Variants in PIEZO2 observed in about 807,000 individuals in gnomAD.
PIEZO2 encodes piezo-type mechanosensitive ion channel component 2.
Under a neutral mutation model 337.3 loss-of-function variants are expected in PIEZO2, and 172 were observed. That is an observed-to-expected ratio of 0.51 (90% CI 0.45 to 0.58). The LOEUF (loss-of-function observed/expected upper bound fraction) is 0.58, where lower values mean the gene tolerates loss of function less well. PIEZO2 is among the 20% of genes least tolerant of loss of function. The pLI is 0.00. For missense variants in PIEZO2, 3,028 were observed against 3,391.3 expected (o/e 0.89, Z 2.66); for synonymous variants, 1,251 against 1,228.5 (o/e 1.02, Z -0.38).
intron 7 of PIEZO2, among the ~76,000 whole-genome samples, chr18:10,825,550 C>CCTTTTTTTTTTTT (rs2040645562): frequency 8.8e-6 from 1 of 113,862 alleles, no homozygotes; most frequent in Non-Finnish European, 1.7e-5. Flanking sequence ...TCCTTTCTTC[C>CCTTTTTTTTTTTT]TTTTTTTTTT....
In PIEZO2 at chr18:11,109,159, A is replaced by AAACC. The variant is rs1378575143; in HGVS notation, c.64+39362_64+39365dup. Among the ~76,000 whole-genome samples, 3 of 152,176 alleles carry AAACC rather than the reference A, an allele frequency of 2.0e-5. No homozygotes were observed. Among genetic ancestry groups the AAACC allele is most frequent in the Non-Finnish European group, 4.4e-5 (3 of 68,036 alleles). The stretch of plus-strand genomic sequence containing the variant: ...TGAGTAAACAGTCTGCACAGCTTAC[A>AAACC]AACCACACATCTTGACAACTCCACC... On this transcript the variant is annotated intron_variant, in intron 1 of 55. Coordinates refer to ENST00000674853, the MANE Select transcript of PIEZO2 (RefSeq NM_001378183.1). The surrounding 1 kb of genome is among the most constrained non-coding windows in gnomAD (Gnocchi z 5.1).
intron 7 of PIEZO2, among the ~76,000 whole-genome samples, chr18:10,831,758 T>C (rs2040848511): frequency 6.6e-6 from 1 of 152,198 alleles, no homozygotes; most frequent in African/African-American, 2.4e-5. Flanking sequence ...AAATATCTCA[T>C]GTACCCCATA....
rs185113281 is a variant in PIEZO2 at position 10,962,049 on chromosome 18, T to C, written c.286+17486A>G. Among the ~76,000 whole-genome samples the C allele has an allele frequency of 2.7e-3, 407 of 152,186 alleles. 2 individuals carry two copies. The highest frequency in any genetic ancestry group is 9.5e-3 in the African/African-American group (395 of 41,440). On this transcript the variant is annotated intron_variant, in intron 3 of 55. Transcript: ENST00000674853. This position sits in a 1 kb window ranked among gnomAD's most constrained non-coding sequence, Gnocchi z 4.1. ...GTAAAGCCATCCAGAAATGCACCAC[T>C]GATTCTCGCAACGTTCAGTTTTTTT...
intron 1 of PIEZO2, among the ~76,000 whole-genome samples, chr18:11,091,320 G>T (rs1001162735): frequency 6.7e-6 from 1 of 149,126 alleles, no homozygotes. Flanking sequence ...GGAGGCGGAG[G>T]TTGCAGTGAG....
Position 10,783,756 on chromosome 18 carries a change from A to G in PIEZO2, c.2492+1028T>C, listed in dbSNP as rs1247711728. ...GTATCAGAATGATAGGCGAAACACA[A>G]CACAATAAGAAAAGTGAATCTGCTG... On this transcript the variant is annotated intron_variant, in intron 17 of 55. Transcript: ENST00000674853. The surrounding 1 kb of genome is among the most constrained non-coding windows in gnomAD (Gnocchi z 4.3). Among the ~76,000 whole-genome samples the G allele has an allele frequency of 6.6e-6, 1 of 152,224 alleles. No individual in the cohort carries two copies. The highest frequency in any genetic ancestry group is 1.5e-5 in the Non-Finnish European group (1 of 68,042).
At chr18:10,926,400 A>G (rs2031742642) in intron 3 of PIEZO2, among the ~76,000 whole-genome samples, 1 of 152,182 alleles carries the variant, frequency 6.6e-6, no homozygotes, top group Non-Finnish European at 1.5e-5. Flanking sequence ...GCAGTGCACT[A>G]GTGGGTGGAA....
chr18:11,073,984 C>T (rs1264975723), intron 1 of PIEZO2, among the ~76,000 whole-genome samples: 2 of 151,628 alleles, frequency 1.3e-5, no homozygotes, highest in East Asian at 3.9e-4. Flanking sequence ...GTAGCTGGGA[C>T]AACAGGCGCA....
At position 11,104,169 on chromosome 18, in the gene PIEZO2, G is replaced by A. The variant is rs1168545638; in HGVS notation, c.65-37947C>T. On this transcript the variant is annotated intron_variant, in intron 1 of 55. Transcript: ENST00000674853. The surrounding 1 kb of genome is among the most constrained non-coding windows in gnomAD (Gnocchi z 4.6). ...TATGTCTAGTACCAAAGTATGAGAC[G>A]GACCCTGCAAATGCATAATGCACCA... is the stretch of plus-strand genomic sequence containing the variant. 2.0e-5 allele frequency among the ~76,000 whole-genome samples: 3 copies of A among 152,096 alleles called. No individual in the cohort carries two copies. The highest frequency in any genetic ancestry group is 2.9e-5 in the Non-Finnish European group (2 of 68,022).
At chr18:10,684,222 G>A (rs1200768909) in intron 49 of PIEZO2, among the ~76,000 whole-genome samples, 32 of 130,272 alleles carry the variant, frequency 2.5e-4, no homozygotes, top group African/African-American at 9.5e-4. Context: ...CTGGAGTGCA[G>A]TGGCGCGATC....
chr18:10,768,177 C>A (rs1009051435), intron 21 of PIEZO2, among the ~76,000 whole-genome samples: 1 of 152,008 alleles, frequency 6.6e-6, no homozygotes, highest in Non-Finnish European at 1.5e-5. Context: ...GGGAGGGACC[C>A]GAGTCTCGAT....
At chr18:10,849,201 G>A (rs2041460359) in intron 7 of PIEZO2, among the ~76,000 whole-genome samples, 1 of 152,082 alleles carries the variant, frequency 6.6e-6, no homozygotes, top group South Asian at 2.1e-4. Context: ...CAGTGGAGAC[G>A]GGGTTTTGCC....
chr18:10,762,234 G>A (rs528426352), intron 23 of PIEZO2, among the ~76,000 whole-genome samples: 14 of 152,260 alleles, frequency 9.2e-5, no homozygotes, highest in African/African-American at 3.4e-4. Context: ...CCTTAATCTT[G>A]TAATGGTCTT....
chr18:10,816,542 T>C (rs1004480755), intron 7 of PIEZO2, among the ~76,000 whole-genome samples: 1 of 152,200 alleles, frequency 6.6e-6, no homozygotes, highest in African/African-American at 2.4e-5. Flanking sequence ...TCAAAGACTT[T>C]TATAAACAAA....
intron 9 of PIEZO2, among the ~76,000 whole-genome samples, chr18:10,802,215 T>C (rs1322987998): frequency 6.6e-6 from 1 of 152,166 alleles, no homozygotes; most frequent in Non-Finnish European, 1.5e-5. Context: ...TTTTAACTAG[T>C]AATACATTAC....
chr18:10,722,355 C>T (rs994225100), intron 36 of PIEZO2, among the ~76,000 whole-genome samples: 4 of 151,754 alleles, frequency 2.6e-5, no homozygotes, highest in Non-Finnish European at 5.9e-5. Context: ...TTAAGCCTCC[C>T]AAGTAGCTGG....
chr18:10,763,348 G>T (rs1185867736), intron 21 of PIEZO2: 4 of 472,002 alleles, frequency 8.5e-6, no homozygotes, highest in Admixed American at 3.7e-5. Context: ...TGTAGCACTG[G>T]CTAAGCTATC....
At chr18:10,990,799 A>AAT (rs2035060907) in intron 2 of PIEZO2, among the ~76,000 whole-genome samples, 1 of 151,562 alleles carries the variant, frequency 6.6e-6, no homozygotes, top group African/African-American at 2.4e-5. Flanking sequence ...TGTAGTAAAT[A>AAT]ATATATATTG....
intron 7 of PIEZO2, among the ~76,000 whole-genome samples, chr18:10,814,258 C>G (rs59530177): frequency 2.0e-5 from 3 of 152,050 alleles, no homozygotes; most frequent in Non-Finnish European, 4.4e-5. Flanking sequence ...CATGAGCCAC[C>G]GTGCCCCGTC....
Position 10,846,789 on chromosome 18 carries a change from C to T in PIEZO2, c.917+8564G>A, listed in dbSNP as rs2041378758. On this transcript the variant is annotated intron_variant, in intron 7 of 55. Transcript: ENST00000674853. This position sits in a 1 kb window ranked among gnomAD's most constrained non-coding sequence, Gnocchi z 4.1. ...AGGGACAAACAGGAGCCAGTGAGAG[C>T]AGTGAGCAGGAGATTTCCAGCAAAG... Among the ~76,000 whole-genome samples the T allele has an allele frequency of 6.6e-6, 1 of 152,120 alleles. No homozygotes were observed.
Sources: allele counts gnomAD v4.1 joint callset (sites outside exome capture counted in the v4.1 genomes callset), GRCh38; gene constraint gnomAD v4.1.1; non-coding constraint Gnocchi (gnomAD v3.1); transcripts MANE v1.5; gene names NCBI Gene and HGNC (gene_info 2026-07-23, HGNC 2026-07-21).